The following TNKS2 variants were observed in gnomAD, a reference collection of about 807,000 sequenced individuals.
TNKS2 encodes tankyrase 2, also known as poly [ADP-ribose] polymerase tankyrase-2.
Under a neutral mutation model 137.6 loss-of-function variants are expected in TNKS2, and 72 were observed. The ratio of observed to expected loss-of-function variants is 0.52; its 90% CI spans 0.43 to 0.64. The LOEUF (loss-of-function observed/expected upper bound fraction) is 0.64. Among genes scored for constraint, TNKS2 ranks in the 30% least tolerant of loss-of-function variants. The probability of loss-of-function intolerance (pLI) is 0.00; values close to 1 mark genes in which losing one functional copy is unlikely to be tolerated. For synonymous variants in TNKS2, 516 were observed against 512.1 expected, an observed-to-expected ratio of 1.01 and a Z score of -0.10; for missense variants, 1,049 against 1,410.2, an observed-to-expected ratio of 0.74 and a Z score of 4.10.
chr10:91,817,289 G>A, intron 3 of TNKS2, 60 bp downstream of exon 3: 3 of 1,197,592 alleles, frequency 2.5e-6, no homozygotes, highest in East Asian at 2.5e-5. Flanking sequence ...TGCCAGGTAG[G>A]AAATTTGCCT....
chr10:91,813,347 A>G (rs1026036789), intron 2 of TNKS2, 140 bp downstream of exon 2: 2 of 800,740 alleles, frequency 2.5e-6, no homozygotes, highest in Non-Finnish European at 3.9e-6. Flanking sequence ...TCTAACTACT[A>G]TTTACTGAGT....
At chr10:91,803,626 C>G (rs1844242444) in intron 1 of TNKS2, among the ~76,000 whole-genome samples, 1 of 152,122 alleles carries the variant, frequency 6.6e-6, no homozygotes, top group Non-Finnish European at 1.5e-5. Flanking sequence ...AGAGGGAAAC[C>G]TTGTAACACA....
At chr10:91,838,703 T>C (rs1442531560) in intron 13 of TNKS2, among the ~76,000 whole-genome samples, 3 of 152,204 alleles carry the variant, frequency 2.0e-5, no homozygotes, top group African/African-American at 7.2e-5. Flanking sequence ...CAGATCTTAT[T>C]TGGGAAGCAC....
intron 23 of TNKS2, among the ~76,000 whole-genome samples, chr10:91,856,146 G>A (rs2259305): frequency 0.52 from 78,519 of 151,780 alleles, 20,742 homozygotes; most frequent in East Asian, 0.72. Context: ...ATCTTTTCCA[G>A]AAAAATATAT....
chr10:91,830,141 A>G (rs532062073), intron 9 of TNKS2, among the ~76,000 whole-genome samples: 2 of 152,330 alleles, frequency 1.3e-5, no homozygotes, highest in South Asian at 4.1e-4. Flanking sequence ...TGAGAGAGAT[A>G]TAAATACTGC....
intron 7 of TNKS2, among the ~76,000 whole-genome samples, chr10:91,823,320 GTTTTTTTTTT>G (rs3043666): frequency 1.8e-5 from 2 of 113,600 alleles, no homozygotes; most frequent in African/African-American, 3.6e-5. Flanking sequence ...TGGTTTTTTG[GTTTTTTTTTT>G]TTTTTTTTTT....
At chr10:91,836,801 G>A (rs552781447) in intron 12 of TNKS2, 118 bp from the exon 13 acceptor site, 673 of 1,430,744 alleles carry the variant, frequency 4.7e-4, no homozygotes, top group Non-Finnish European at 5.7e-4. Context: ...TGGAGATCTC[G>A]TACATAATCT....
intron 9 of TNKS2, among the ~76,000 whole-genome samples, chr10:91,829,712 G>A (rs935784359): frequency 6.6e-6 from 1 of 152,174 alleles, no homozygotes; most frequent in Non-Finnish European, 1.5e-5. Flanking sequence ...AATGATTTTG[G>A]TGACAGCAAC....
At chr10:91,819,612 G>C in intron 5 of TNKS2, 55 bp downstream of exon 5, 9 of 1,292,876 alleles carry the variant, frequency 7.0e-6, no homozygotes, top group Non-Finnish European at 8.6e-6. Flanking sequence ...TGAAGATAAA[G>C]ATGTGTTTAT....
chr10:91,806,666 A>G lies in TNKS2; in HGVS notation c.200-6317A>G, dbSNP rs1471396540. ...TAGATATAATTGAGACTACACTGCT[A>G]TACATAATTAGGTACACAGTATGTA... On this transcript the variant is annotated intron_variant, in intron 1 of 26. Transcript: ENST00000371627. Among the ~76,000 whole-genome samples, 7 of 152,322 alleles carry G rather than the reference A, an allele frequency of 4.6e-5. No individual in the cohort carries two copies. The East Asian group carries it at 1.2e-3, about 25-fold the overall frequency.
At position 91,798,433 on chromosome 10, in the gene TNKS2, G is replaced by A; in HGVS notation, c.-258G>A. 3.5e-6 allele frequency: 1 copy of A among 285,350 alleles called. No individual in the cohort carries two copies. Among genetic ancestry groups the A allele is most frequent in the Non-Finnish European group, 6.4e-6 (1 of 157,056 alleles). The allele number at this position is 285,350 out of a possible 1,614,324, so 17.7% of individuals were successfully genotyped here. On this transcript the variant is annotated 5_prime_UTR_variant, in exon 1 of 27. Coordinates refer to ENST00000371627, the MANE Select transcript of TNKS2 (RefSeq NM_025235.4). ...GGCAGGAGGGGCCTTGCCAGCTTCC[G>A]CCGCCGCGTCGTTTCAGGACCCGGA...
At chr10:91,845,973 C>G (rs1842358597) in intron 18 of TNKS2, 33 bp downstream of exon 18, 1 of 1,457,780 alleles carries the variant, frequency 6.9e-7, no homozygotes, top group Non-Finnish European at 9.2e-7. Flanking sequence ...AATCTCAGTG[C>G]TTTTCTGACT....
Position 91,850,518 on chromosome 10 carries a change from A to G in TNKS2, c.2695-698A>G, listed in dbSNP as rs190672164. On this transcript the variant is annotated intron_variant, in intron 20 of 26. Transcript: ENST00000371627. ...TGGATCACCTGAGGTCAGGAGTTCA[A>G]GACCAGCCTGGCCAATATAGTGAAA... Among the ~76,000 whole-genome samples, 1,448 of 152,244 alleles carry G rather than the reference A, an allele frequency of 9.5e-3. 20 individuals are homozygous for G. The highest frequency in any genetic ancestry group is 1.0e-2 in the Non-Finnish European group (679 of 68,006).
At chr10:91,809,061 G>C (rs1261578876) in intron 1 of TNKS2, among the ~76,000 whole-genome samples, 7 of 152,090 alleles carry the variant, frequency 4.6e-5, no homozygotes, top group African/African-American at 1.7e-4. Flanking sequence ...GTTACATTTT[G>C]ATACTCCCAA....
intron 11 of TNKS2, among the ~76,000 whole-genome samples, chr10:91,831,808 G>C (rs1160704667): frequency 6.6e-6 from 1 of 152,180 alleles, no homozygotes; most frequent in African/African-American, 2.4e-5. Context: ...GATTGGAAGA[G>C]ATGACAGTAG....
intron 15 of TNKS2, 82 bp from the exon 16 acceptor site, chr10:91,842,090 T>C: frequency 1.2e-6 from 1 of 845,224 alleles, no homozygotes; most frequent in Non-Finnish European, 1.8e-6. Context: ...TTCTTTGGTA[T>C]AGTTAACACT....
chr10:91,848,899 C>T (rs889029073), intron 19 of TNKS2, among the ~76,000 whole-genome samples: 3 of 152,108 alleles, frequency 2.0e-5, no homozygotes, highest in African/African-American at 7.2e-5. Context: ...TGCAGTGGCG[C>T]GATCTCGGCT....
At chr10:91,846,254 C>G (rs1270591927) in intron 18 of TNKS2, among the ~76,000 whole-genome samples, 2 of 152,180 alleles carry the variant, frequency 1.3e-5, no homozygotes, top group African/African-American at 4.8e-5. Flanking sequence ...AATGCTGTTA[C>G]TTATAGTGCA....
At position 91,857,529 on chromosome 10, in the gene TNKS2, T is replaced by C; in HGVS notation, c.3093T>C (p.His1031=). 1.2e-6 allele frequency: 2 copies of C among 1,605,954 alleles called. No homozygotes were observed. The highest frequency in any genetic ancestry group is 4.5e-5 in the East Asian group (2 of 44,736). The change falls in exon 24 of 27, where the codon CAT becomes CAC. Residue 1031 remains histidine (H), a splice_region_variant and synonymous_variant. Transcript: ENST00000371627. ...HNHANERMLF[H]GSPFVNAIIH... is the part of the protein sequence containing the mutation. ...ATGCCAATGAACGAATGCTATTTCA[T>C]GGTAAGATTCCTCCCCACCAACTCT...
Sources: gnomAD v4.1 joint callset for allele counts (sites outside exome capture counted in the v4.1 genomes callset) on GRCh38, gnomAD v4.1.1 for gene constraint, MANE v1.5 for transcripts, NCBI Gene and HGNC (gene_info 2026-07-23, HGNC 2026-07-21) for gene names.